The following GHR variants were observed in gnomAD, a reference collection of about 807,000 sequenced individuals.
The protein encoded by GHR is GH receptor.
In GHR, 35 loss-of-function variants were observed where a neutral mutation model predicts 67.1. The ratio of observed to expected loss-of-function variants is 0.52; its 90% CI spans 0.40 to 0.69. GHR has a LOEUF of 0.69. Among genes scored for constraint, GHR ranks in the 30% least tolerant of loss-of-function variants. GHR has a pLI of 0.00. For synonymous variants in GHR, 272 were observed against 269.1 expected (o/e 1.01, Z -0.10); for missense variants, 792 against 764.6 (o/e 1.04, Z -0.42).
chr5:42,553,182 T>C lies in GHR; in HGVS notation c.-11-12682T>C, dbSNP rs540140027. ...ACCCATTTATTGTCCCACAGTTCCA[T>C]ATGTGAGAAGTCTGGGCACACCATG... On this transcript the variant is annotated intron_variant, in intron 1 of 9. Transcript: ENST00000230882. Among the ~76,000 whole-genome samples the C allele has an allele frequency of 6.6e-5, 10 of 152,330 alleles. No homozygotes were observed. In the South Asian group the frequency reaches 1.9e-3, roughly 28 times the overall value.
intron 2 of GHR, among the ~76,000 whole-genome samples, chr5:42,603,398 C>T (rs980969737): frequency 2.0e-5 from 3 of 151,934 alleles, no homozygotes; most frequent in Non-Finnish European, 2.9e-5. Flanking sequence ...ATTTTCTTCC[C>T]GGGACTGGAA....
In GHR at chr5:42,629,206, G is replaced by T. The variant is rs578161633; in HGVS notation, c.136+103G>T. On this transcript the variant is annotated intron_variant, in intron 3 of 9. Transcript: ENST00000230882. ...ATTTTATTTGGGATGGTAGTAACTG[G>T]AATAGTGACTGAGTTGAAATTTTAT... 5.7e-6 allele frequency: 4 copies of T among 698,124 alleles called. No homozygotes were observed. In the African/African-American group the frequency reaches 9.1e-5, roughly 16 times the overall value. 43.2% of individuals were successfully genotyped at this position (698,124 alleles called of 1,614,324 possible).
At chr5:42,474,915 G>C (rs181823042) in intron 1 of GHR, among the ~76,000 whole-genome samples, 3 of 115,996 alleles carry the variant, frequency 2.6e-5, no homozygotes, top group African/African-American at 7.0e-5. Context: ...ACAGAGTCTC[G>C]CTCTGTTGCC....
chr5:42,666,687 C>G (rs1285306473), intron 3 of GHR, among the ~76,000 whole-genome samples: 1 of 152,098 alleles, frequency 6.6e-6, no homozygotes, highest in Non-Finnish European at 1.5e-5. Context: ...TCTTATTGCT[C>G]AGAATGTGGT....
At chr5:42,430,021 C>T (rs1743023216) in intron 1 of GHR, among the ~76,000 whole-genome samples, 1 of 152,186 alleles carries the variant, frequency 6.6e-6, no homozygotes, top group Non-Finnish European at 1.5e-5. Flanking sequence ...ATGTCTAAGT[C>T]AGCCATCTAC....
rs796947229 is a variant in GHR, at chr5:42,576,103, T to A, written c.70+10159T>A. Among the ~76,000 whole-genome samples, 437 of 52,258 alleles carry A rather than the reference T, an allele frequency of 8.4e-3. 3 individuals carry two copies. The highest frequency in any genetic ancestry group is 0.01 in the Admixed American group (61 of 6,012). 34.3% of individuals were successfully genotyped at this position (52,258 alleles called of 152,430 possible). A position where few individuals can be genotyped will look rare whatever the true frequency, so the allele number is the denominator to read the frequency against. ...ATAAAATAAAATAAAATAAAATAAA[T>A]AAAATAAAATAAAATAAAATAAAAT... is the stretch of plus-strand genomic sequence containing the variant. On this transcript the variant is annotated intron_variant, in intron 2 of 9. Coordinates refer to ENST00000230882, the MANE Select transcript of GHR (RefSeq NM_000163.5).
At chr5:42,606,125 A>C (rs1239846334) in intron 2 of GHR, among the ~76,000 whole-genome samples, 1 of 151,642 alleles carries the variant, frequency 6.6e-6, no homozygotes, top group Admixed American at 6.6e-5. Context: ...GAGCTGTAAA[A>C]GTTGGGGTGC....
intron 1 of GHR, among the ~76,000 whole-genome samples, chr5:42,485,923 C>A (rs1745858955): frequency 6.6e-6 from 1 of 152,188 alleles, no homozygotes; most frequent in African/African-American, 2.4e-5. Flanking sequence ...CCATACTCTA[C>A]CCCCTTGCTC....
chr5:42,707,362 T>A (rs2111789756), intron 6 of GHR, among the ~76,000 whole-genome samples: 1 of 152,188 alleles, frequency 6.6e-6, no homozygotes, highest in Admixed American at 6.5e-5. Context: ...GATTTGCATA[T>A]TACCATGAAA....
At chr5:42,564,353 T>TGTGTGAGATTTATTTGAAATCTCACAAA (rs1561125707) in intron 1 of GHR, among the ~76,000 whole-genome samples, 2 of 133,552 alleles carry the variant, frequency 1.5e-5, no homozygotes, top group Admixed American at 1.5e-4. Flanking sequence ...AATCTCACAA[T>TGTGTGAGATTTATTTGAAATCTCACAAA]GTGTGAGATT....
At chr5:42,707,416 G>A (rs1758230936) in intron 6 of GHR, among the ~76,000 whole-genome samples, 1 of 151,780 alleles carries the variant, frequency 6.6e-6, no homozygotes, top group Admixed American at 6.6e-5. Context: ...ATTCATTTTA[G>A]TTAGGATTGC....
chr5:42,717,824 C>G (rs1418384486), intron 8 of GHR, among the ~76,000 whole-genome samples: 1 of 150,832 alleles, frequency 6.6e-6, no homozygotes, highest in Non-Finnish European at 1.5e-5. Context: ...TAATAGACTT[C>G]AGATGAGGCT....
intron 1 of GHR, among the ~76,000 whole-genome samples, chr5:42,543,065 T>C (rs1004708444): frequency 6.6e-6 from 1 of 152,180 alleles, no homozygotes; most frequent in African/African-American, 2.4e-5. Context: ...TTCTACATCT[T>C]TGCAATTGTG....
At chr5:42,565,251 G>A (rs974928396) in intron 1 of GHR, among the ~76,000 whole-genome samples, 4 of 152,058 alleles carry the variant, frequency 2.6e-5, no homozygotes, top group Admixed American at 1.3e-4. Flanking sequence ...ACCTCTCTAC[G>A]ACACACTGTG....
chr5:42,583,328 A>T (rs529914867), intron 2 of GHR, among the ~76,000 whole-genome samples: 1 of 152,060 alleles, frequency 6.6e-6, no homozygotes, highest in Non-Finnish European at 1.5e-5. Context: ...ATTACTCAAG[A>T]TCTTACCTTT....
At chr5:42,577,759 T>C (rs1010532037) in intron 2 of GHR, among the ~76,000 whole-genome samples, 2 of 152,224 alleles carry the variant, frequency 1.3e-5, no homozygotes, top group African/African-American at 4.8e-5. Context: ...AGGTGCTAGC[T>C]ACACCCAAGA....
intron 1 of GHR, among the ~76,000 whole-genome samples, chr5:42,555,416 T>G (rs1295832174): frequency 6.6e-6 from 1 of 152,230 alleles, no homozygotes; most frequent in Non-Finnish European, 1.5e-5. Context: ...TCTGTCTTTT[T>G]CTTGCTCCCT....
chr5:42,532,678 T>A (rs1206058085), intron 1 of GHR, among the ~76,000 whole-genome samples: 1 of 152,192 alleles, frequency 6.6e-6, no homozygotes, highest in East Asian at 1.9e-4. Context: ...AAAATATACA[T>A]GTTTTACTGT....
intron 1 of GHR, among the ~76,000 whole-genome samples, chr5:42,520,528 C>G (rs68139087): frequency 0.033 from 5,086 of 152,208 alleles, 116 homozygotes; most frequent in Middle Eastern, 0.088. Flanking sequence ...CCAAATTTCT[C>G]AGGACTGGAA....
Sources: allele counts gnomAD v4.1 joint callset (sites outside exome capture counted in the v4.1 genomes callset), GRCh38; gene constraint gnomAD v4.1.1; transcripts MANE v1.5; gene names NCBI Gene and HGNC (gene_info 2026-07-23, HGNC 2026-07-21).